Variants in SNTG2 observed in about 807,000 individuals in gnomAD.
SNTG2 encodes syntrophin gamma 2, also known as gamma-2-syntrophin.
In SNTG2, 74 loss-of-function variants were observed where a neutral mutation model predicts 70.9. The ratio of observed to expected loss-of-function variants is 1.04; its 90% CI spans 0.86 to 1.27. The LOEUF (loss-of-function observed/expected upper bound fraction) is 1.27. SNTG2 is among the 50% of genes most tolerant of loss of function. SNTG2 has a pLI of 0.00. For synonymous variants in SNTG2, 278 were observed against 273.8 expected (o/e 1.02, Z -0.15); for missense variants, 717 against 690.7 (o/e 1.04, Z -0.43).
chr2:1,350,595 T>C (rs1171362867), intron 16 of SNTG2, among the ~76,000 whole-genome samples: 1 of 152,208 alleles, frequency 6.6e-6, no homozygotes, highest in Non-Finnish European at 1.5e-5. Context: ...ACACTGTCAT[T>C]TGCTGGCATT....
At chr2:1,348,242 G>GC (rs1015093239) in intron 16 of SNTG2, among the ~76,000 whole-genome samples, 1 of 152,060 alleles carries the variant, frequency 6.6e-6, no homozygotes, top group African/African-American at 2.4e-5. Context: ...AAATTCTAAA[G>GC]CCCCCCAGCC....
intron 4 of SNTG2, chr2:1,103,379 C>CTTTTTTTTT (rs758261408): frequency 4.1e-6 from 1 of 241,156 alleles, no homozygotes. Flanking sequence ...TTATAAATTT[C>CTTTTTTTTT]TTTTTTTTTT....
At chr2:1,189,162 A>G (rs1297834655) in intron 8 of SNTG2, among the ~76,000 whole-genome samples, 1 of 151,890 alleles carries the variant, frequency 6.6e-6, no homozygotes, top group African/African-American at 2.4e-5. Flanking sequence ...TCAAAAATAG[A>G]AAGCGTAATA....
chr2:1,192,458 T>G (rs1672654757), intron 8 of SNTG2, among the ~76,000 whole-genome samples: 1 of 152,192 alleles, frequency 6.6e-6, no homozygotes, highest in African/African-American at 2.4e-5. Context: ...AACTATGTGG[T>G]GACACAGTCG....
At chr2:1,178,571 T>A (rs1671639425) in intron 8 of SNTG2, among the ~76,000 whole-genome samples, 1 of 152,190 alleles carries the variant, frequency 6.6e-6, no homozygotes, top group Non-Finnish European at 1.5e-5. Context: ...CATGTGGTTT[T>A]TGTCATTGGT....
At chr2:1,283,619 T>C (rs11211639) in intron 14 of SNTG2, among the ~76,000 whole-genome samples, 86,538 of 151,842 alleles carry the variant, frequency 0.57, 25,551 homozygotes, top group African/African-American at 0.72. Context: ...ACACCCTGCA[T>C]CCCAGCCTGG....
intron 11 of SNTG2, among the ~76,000 whole-genome samples, chr2:1,241,465 CTTT>C (rs895432866): frequency 6.7e-6 from 1 of 148,484 alleles, no homozygotes; most frequent in East Asian, 1.9e-4. Flanking sequence ...AAAGCATTTT[CTTT>C]TTTTTTTATT....
At chr2:960,123 G>A (rs1660300035) in intron 1 of SNTG2, among the ~76,000 whole-genome samples, 1 of 152,150 alleles carries the variant, frequency 6.6e-6, no homozygotes, top group South Asian at 2.1e-4. Context: ...GAGGCTTCGG[G>A]CAGGTGTTCC....
intron 1 of SNTG2, among the ~76,000 whole-genome samples, chr2:1,050,420 A>C (rs1445598121): frequency 6.6e-6 from 1 of 151,878 alleles, no homozygotes; most frequent in African/African-American, 2.4e-5. Flanking sequence ...TATTGTAGAG[A>C]TTATTCTTTC....
intron 14 of SNTG2, among the ~76,000 whole-genome samples, chr2:1,305,780 T>C (rs150648740): frequency 2.3e-3 from 356 of 152,314 alleles, no homozygotes; most frequent in African/African-American, 7.8e-3. Context: ...TCTTTTTCCT[T>C]CATCCTAAGC....
At chr2:1,235,652 A>G (rs1198312388) in intron 9 of SNTG2, among the ~76,000 whole-genome samples, 2 of 146,578 alleles carry the variant, frequency 1.4e-5, no homozygotes, top group Admixed American at 6.8e-5. Flanking sequence ...GAGAGGAGGC[A>G]CCCTTACCCC....
chr2:1,005,008 A>G (rs960396306), intron 1 of SNTG2, among the ~76,000 whole-genome samples: 2 of 152,226 alleles, frequency 1.3e-5, no homozygotes, highest in African/African-American at 4.8e-5. Context: ...TCAACAGTAA[A>G]AAGAAATGAA....
chr2:1,275,636 G>A (rs976312471), intron 14 of SNTG2, among the ~76,000 whole-genome samples: 31 of 151,454 alleles, frequency 2.0e-4, no homozygotes, highest in Admixed American at 7.9e-4. Flanking sequence ...CTCATTCCAC[G>A]AGACATAACA....
chr2:1,228,529 T>C (rs536196065), intron 9 of SNTG2, among the ~76,000 whole-genome samples: 1 of 152,224 alleles, frequency 6.6e-6, no homozygotes, highest in Non-Finnish European at 1.5e-5. Context: ...CTCAACATTT[T>C]CTCACGTTAC....
At chr2:1,178,847 T>C in intron 8 of SNTG2, among the ~76,000 whole-genome samples, 1 of 152,222 alleles carries the variant, frequency 6.6e-6, no homozygotes, top group East Asian at 1.9e-4. Flanking sequence ...TCCCTCTTTT[T>C]GTATTGACTG....
chr2:973,042 T>C (rs1212046502), intron 1 of SNTG2, among the ~76,000 whole-genome samples: 2 of 152,256 alleles, frequency 1.3e-5, no homozygotes, highest in African/African-American at 4.8e-5. Context: ...CTAGTTAGCA[T>C]ATGTTTTGCT....
At chr2:1,171,849 A>G (rs1390252578) in intron 7 of SNTG2, among the ~76,000 whole-genome samples, 1 of 152,184 alleles carries the variant, frequency 6.6e-6, no homozygotes, top group Admixed American at 6.5e-5. Flanking sequence ...TGAACGTTGC[A>G]CATCACATTT....
chr2:1,321,872 CCCTCCTTCCTT>C (rs10548929), intron 16 of SNTG2, among the ~76,000 whole-genome samples: 22,714 of 151,774 alleles, frequency 0.15, 2,145 homozygotes, highest in East Asian at 0.5. Flanking sequence ...CTTTCTTCCT[CCCTCCTTCCTT>C]CCTTCCTTTC....
At chr2:1,316,514 A>C in intron 16 of SNTG2, 139 bp downstream of exon 16, 1 of 206,764 alleles carries the variant, frequency 4.8e-6, no homozygotes, top group Non-Finnish European at 8.9e-6. Context: ...GTCCTTCCTG[A>C]AAATTAGGCA....
Sources: allele counts gnomAD v4.1 joint callset (sites outside exome capture counted in the v4.1 genomes callset), GRCh38; gene constraint gnomAD v4.1.1; transcripts MANE v1.5; gene names NCBI Gene and HGNC (gene_info 2026-07-23, HGNC 2026-07-21).